Variants in SHISA9 observed in about 807,000 individuals in gnomAD.
The protein encoded by SHISA9 is protein shisa-9.
SHISA9 carries 13 observed loss-of-function variants against 38.0 expected under a neutral mutation model. The observed-to-expected ratio is 0.34, with a 90% CI of 0.22 to 0.54. SHISA9 has a LOEUF of 0.54. Ranked by LOEUF, SHISA9 falls within the 20% of genes least tolerant of loss-of-function variation. The probability of loss-of-function intolerance (pLI) is 0.91; values close to 1 mark genes in which losing one functional copy is unlikely to be tolerated. For synonymous variants in SHISA9, 275 were observed against 242.0 expected (o/e 1.14, Z -1.27); for missense variants, 538 against 575.8 (o/e 0.93, Z 0.67).
At chr16:13,388,222 T>C in the SHISA9 span, among the ~76,000 whole-genome samples, 1 of 151,764 alleles carries the variant, frequency 6.6e-6, no homozygotes, top group East Asian at 1.9e-4. Flanking sequence ...TAGGATTCTA[T>C]AGAAACGTGA....
chr16:13,024,279 C>T (rs985963593), intron 2 of SHISA9, among the ~76,000 whole-genome samples: 2 of 152,200 alleles, frequency 1.3e-5, no homozygotes, highest in Non-Finnish European at 2.9e-5. Context: ...GGGACCAAGC[C>T]CAGAACATCT....
chr16:13,022,986 C>T lies in SHISA9; in HGVS notation c.691+106171C>T, dbSNP rs138876687. 3.3e-5 allele frequency among the ~76,000 whole-genome samples: 5 copies of T among 151,918 alleles called. No individual in the cohort carries two copies. In the East Asian group the frequency reaches 9.6e-4, roughly 29 times the overall value. ...CTTGAGATTAACTTGATCACATCTG[C>T]AAAGACCCGTTTTTCTTTCTTTCTG... On this transcript the variant is annotated intron_variant, in intron 2 of 4. Coordinates refer to ENST00000558583, the MANE Select transcript of SHISA9 (RefSeq NM_001145204.3).
the SHISA9 span, among the ~76,000 whole-genome samples, chr16:13,365,454 CTTT>C: frequency 2.7e-5 from 3 of 112,512 alleles, no homozygotes; most frequent in African/African-American, 1.0e-4. Context: ...GAGTATACCT[CTTT>C]TTTTTTTTTT....
At chr16:12,957,964 C>T (rs1009343595) in intron 2 of SHISA9, among the ~76,000 whole-genome samples, 3 of 152,230 alleles carry the variant, frequency 2.0e-5, no homozygotes, top group Admixed American at 6.5e-5. Context: ...CTAATGACCT[C>T]CCCAAGATTC....
intron 2 of SHISA9, among the ~76,000 whole-genome samples, chr16:13,165,343 T>C (rs1397563509): frequency 1.3e-5 from 2 of 152,200 alleles, no homozygotes; most frequent in South Asian, 2.1e-4. Context: ...ACTAACATTT[T>C]CTCCTCCACT....
chr16:13,469,320 G>GAAAGAAAGAAAGAAAGAA, the SHISA9 span, among the ~76,000 whole-genome samples: 59 of 61,588 alleles, frequency 9.6e-4, no homozygotes, highest in African/African-American at 2.8e-3. Flanking sequence ...GAGAGAGAGA[G>GAAAGAAAGAAAGAAAGAA]AGAAAGAAAG....
chr16:13,157,306 T>C (rs1351579856), intron 2 of SHISA9, among the ~76,000 whole-genome samples: 4 of 152,256 alleles, frequency 2.6e-5, no homozygotes, highest in African/African-American at 9.6e-5. Context: ...TTCGCACTAA[T>C]ATATGTGAAG....
At chr16:13,056,347 A>G (rs920527452) in intron 2 of SHISA9, among the ~76,000 whole-genome samples, 3 of 152,160 alleles carry the variant, frequency 2.0e-5, no homozygotes, top group African/African-American at 7.2e-5. Flanking sequence ...TGTCTAGGGA[A>G]AAGTCAAATT....
chr16:13,416,710 AAGAAAG>A, the SHISA9 span, among the ~76,000 whole-genome samples: 2 of 150,402 alleles, frequency 1.3e-5, no homozygotes, highest in Admixed American at 6.7e-5. Flanking sequence ...TCTGAAAAAG[AAGAAAG>A]AGAAAGAAAG....
the SHISA9 span, among the ~76,000 whole-genome samples, chr16:13,435,544 G>A: frequency 1.3e-5 from 2 of 152,148 alleles, no homozygotes; most frequent in Admixed American, 1.3e-4. Context: ...TTTTCAATGA[G>A]TCAGCTAATA....
chr16:13,122,345 C>T (rs1420783751), intron 2 of SHISA9, among the ~76,000 whole-genome samples: 1 of 152,148 alleles, frequency 6.6e-6, no homozygotes, highest in Non-Finnish European at 1.5e-5. Flanking sequence ...ACAATTGTTC[C>T]TGCCTCTGGC....
At chr16:13,305,096 G>A in the SHISA9 span, among the ~76,000 whole-genome samples, 2 of 152,162 alleles carry the variant, frequency 1.3e-5, no homozygotes, top group Admixed American at 1.3e-4. Context: ...TACATAATGA[G>A]ATATCTTGGG....
the SHISA9 span, among the ~76,000 whole-genome samples, chr16:13,443,117 C>G: frequency 1.3e-5 from 2 of 152,172 alleles, no homozygotes; most frequent in South Asian, 2.1e-4. Flanking sequence ...AGACAACATA[C>G]TGTTTTTTCT....
the SHISA9 span, among the ~76,000 whole-genome samples, chr16:13,309,297 G>A: frequency 3.9e-5 from 6 of 152,152 alleles, no homozygotes; most frequent in East Asian, 1.2e-3. Flanking sequence ...CATAGCACAC[G>A]TTTACCCGTG....
At chr16:13,083,266 C>A (rs986634499) in intron 2 of SHISA9, among the ~76,000 whole-genome samples, 28 of 152,192 alleles carry the variant, frequency 1.8e-4, no homozygotes, top group African/African-American at 6.8e-4. Context: ...AAGATTCAGG[C>A]TTGAACAAGT....
intron 2 of SHISA9, among the ~76,000 whole-genome samples, chr16:13,092,790 G>T (rs558477039): frequency 1.3e-5 from 2 of 152,114 alleles, no homozygotes; most frequent in Admixed American, 1.3e-4. Flanking sequence ...GTGAGGTGAC[G>T]CTCCGCCCTG....
chr16:13,432,260 G>A, the SHISA9 span, among the ~76,000 whole-genome samples: 2 of 152,168 alleles, frequency 1.3e-5, no homozygotes, highest in South Asian at 2.1e-4. Flanking sequence ...TAGGATATCT[G>A]TATTCTTTGT....
At chr16:13,506,976 G>A in the SHISA9 span, among the ~76,000 whole-genome samples, 79 of 152,120 alleles carry the variant, frequency 5.2e-4, no homozygotes, top group South Asian at 2.1e-4. Context: ...CTGCGAGGTC[G>A]AAGCTGCAGT....
the SHISA9 span, among the ~76,000 whole-genome samples, chr16:13,555,528 T>C: frequency 2.0e-5 from 3 of 152,126 alleles, no homozygotes; most frequent in African/African-American, 7.2e-5. Flanking sequence ...AGCAATCGAA[T>C]TGGTTTAAAA....
Sources: allele counts gnomAD v4.1 joint callset (sites outside exome capture counted in the v4.1 genomes callset), GRCh38; gene constraint gnomAD v4.1.1; transcripts MANE v1.5; gene names NCBI Gene and HGNC (gene_info 2026-07-23, HGNC 2026-07-21).